ZBTB20: variants seen among roughly 807,000 people sequenced by gnomAD.
The protein encoded by ZBTB20 is zinc finger and BTB domain containing 20, also known as zinc finger and BTB domain-containing protein 20.
Under a neutral mutation model 56.9 loss-of-function variants are expected in ZBTB20, and 9 were observed. That is an observed-to-expected ratio of 0.16 (90% CI 0.10 to 0.28). The LOEUF (loss-of-function observed/expected upper bound fraction) is 0.28. Among genes scored for constraint, ZBTB20 ranks in the 10% least tolerant of loss-of-function variants. The pLI, the probability that ZBTB20 is intolerant of heterozygous loss-of-function variation, is 1.00. For synonymous variants in ZBTB20, 417 were observed against 420.7 expected (o/e 0.99, Z 0.11); for missense variants, 655 against 1,003.0 (o/e 0.65, Z 4.69).
chr3:114,545,864 G>A (rs1216586853), intron 6 of ZBTB20, among the ~76,000 whole-genome samples: 1 of 152,130 alleles, frequency 6.6e-6, no homozygotes, highest in African/African-American at 2.4e-5. Context: ...TTAATTCTAA[G>A]TCTTTTTTTA....
At chr3:115,125,704 A>C (rs1039613430) in intron 1 of ZBTB20, among the ~76,000 whole-genome samples, 5 of 152,206 alleles carry the variant, frequency 3.3e-5, no homozygotes, top group African/African-American at 1.2e-4. Context: ...TTGCTAAGAG[A>C]ATAGATTTTA....
chr3:114,704,929 G>A (rs2063621485), intron 5 of ZBTB20, among the ~76,000 whole-genome samples: 1 of 151,868 alleles, frequency 6.6e-6, no homozygotes, highest in Non-Finnish European at 1.5e-5. Flanking sequence ...TTTTCTTGCT[G>A]TGTGAAATGT....
At chr3:114,361,369 T>TACTA (rs2081862954) in intron 10 of ZBTB20, among the ~76,000 whole-genome samples, 1 of 152,228 alleles carries the variant, frequency 6.6e-6, no homozygotes, top group Non-Finnish European at 1.5e-5. Context: ...TGAAGCCTTC[T>TACTA]GTGATTACTA....
At chr3:114,835,298 C>T (rs544377985) in intron 4 of ZBTB20, among the ~76,000 whole-genome samples, 222 of 152,142 alleles carry the variant, frequency 1.5e-3, no homozygotes, top group Non-Finnish European at 2.7e-3. Context: ...TCAACTTGAT[C>T]TCCCAGGAAG....
intron 7 of ZBTB20, among the ~76,000 whole-genome samples, chr3:114,461,543 T>A (rs892621884): frequency 2.0e-5 from 3 of 152,166 alleles, no homozygotes; most frequent in Non-Finnish European, 2.9e-5. Flanking sequence ...TGGCCTCAAA[T>A]GGTCCTCCCA....
At chr3:114,812,623 A>G (rs1327084306) in intron 4 of ZBTB20, among the ~76,000 whole-genome samples, 2 of 152,226 alleles carry the variant, frequency 1.3e-5, no homozygotes, top group Non-Finnish European at 2.9e-5. Context: ...TTAGGAGCCC[A>G]GCTGGCTTCA....
chr3:114,684,630 T>C (rs2062209326), intron 6 of ZBTB20: 1 of 152,204 alleles, frequency 6.6e-6, no homozygotes. Flanking sequence ...GGTGGGGTTA[T>C]TTAAAAATTT....
chr3:114,913,355 T>C (rs2075618778), intron 3 of ZBTB20, among the ~76,000 whole-genome samples: 1 of 152,104 alleles, frequency 6.6e-6, no homozygotes, highest in Admixed American at 6.6e-5. Flanking sequence ...CACTTTTTCA[T>C]ATACCAGTTT....
chr3:114,374,452 G>A (rs1227945855), intron 10 of ZBTB20, among the ~76,000 whole-genome samples: 1 of 152,232 alleles, frequency 6.6e-6, no homozygotes, highest in East Asian at 1.9e-4. Context: ...TTCCATTTTG[G>A]CTATATTTTC....
chr3:115,046,855 T>C (rs1369110510), intron 2 of ZBTB20, among the ~76,000 whole-genome samples: 1 of 152,132 alleles, frequency 6.6e-6, no homozygotes, highest in African/African-American at 2.4e-5. Context: ...CAAATATCTA[T>C]TATAGAGTAT....
At chr3:114,660,079 GTATTTT>G (rs1452951346) in intron 6 of ZBTB20, among the ~76,000 whole-genome samples, 1 of 152,038 alleles carries the variant, frequency 6.6e-6, no homozygotes, top group Non-Finnish European at 1.5e-5. Flanking sequence ...TTGTAAAAAT[GTATTTT>G]CCATTGACCA....
intron 7 of ZBTB20, among the ~76,000 whole-genome samples, chr3:114,450,086 T>C (rs2091509537): frequency 6.6e-6 from 1 of 152,156 alleles, no homozygotes; most frequent in Non-Finnish European, 1.5e-5. Flanking sequence ...TTTAGAAAGG[T>C]GTCCAGGTCT....
chr3:114,652,386 C>T (rs1033322057), intron 6 of ZBTB20, among the ~76,000 whole-genome samples: 2 of 151,950 alleles, frequency 1.3e-5, no homozygotes. Context: ...TATGAATATA[C>T]CACAATTTGT....
At chr3:114,560,444 G>A (rs1198216240) in intron 6 of ZBTB20, among the ~76,000 whole-genome samples, 1 of 152,048 alleles carries the variant, frequency 6.6e-6, no homozygotes, top group Non-Finnish European at 1.5e-5. Flanking sequence ...CCATGAATTA[G>A]GTATTATTAT....
At chr3:114,687,597 G>T (rs533669614) in intron 6 of ZBTB20, 2 of 142,504 alleles carry the variant, frequency 1.4e-5, no homozygotes, top group South Asian at 4.4e-4. Context: ...ATAAATAAAA[G>T]GAGTTGAAAG....
At chr3:114,832,355 A>T (rs1158260126) in intron 4 of ZBTB20, among the ~76,000 whole-genome samples, 3 of 152,044 alleles carry the variant, frequency 2.0e-5, no homozygotes, top group Non-Finnish European at 2.9e-5. Flanking sequence ...TATATAGAAC[A>T]TTTAGCTAAT....
At chr3:114,343,370 T>G (rs917977064) in intron 11 of ZBTB20, among the ~76,000 whole-genome samples, 1 of 152,192 alleles carries the variant, frequency 6.6e-6, no homozygotes, top group Non-Finnish European at 1.5e-5. Context: ...AGACAATGAA[T>G]GCTGTTATCA....
intron 4 of ZBTB20, among the ~76,000 whole-genome samples, chr3:114,830,546 C>T (rs534329318): frequency 2.0e-5 from 3 of 151,686 alleles, no homozygotes; most frequent in Admixed American, 2.0e-4. Flanking sequence ...ATACCCTGAG[C>T]ACTTATTATG....
intron 2 of ZBTB20, among the ~76,000 whole-genome samples, chr3:115,008,501 T>C (rs1341477611): frequency 1.3e-5 from 2 of 151,910 alleles, no homozygotes; most frequent in Non-Finnish European, 2.9e-5. Flanking sequence ...ATAAAGAACA[T>C]CTTTTTGTAA....
Sources: allele counts gnomAD v4.1 joint callset (sites outside exome capture counted in the v4.1 genomes callset), GRCh38; gene constraint gnomAD v4.1.1; transcripts MANE v1.5; gene names NCBI Gene and HGNC (gene_info 2026-07-23, HGNC 2026-07-21).